OPCML: variants seen among roughly 807,000 people sequenced by gnomAD.
OPCML encodes opioid binding protein/cell adhesion molecule like, also known as opioid-binding protein/cell adhesion molecule.
OPCML carries 13 observed loss-of-function variants against 37.8 expected under a neutral mutation model. That is an observed-to-expected ratio of 0.34 (90% CI 0.22 to 0.55). The LOEUF (loss-of-function observed/expected upper bound fraction) is 0.55, where lower values mean the gene tolerates loss of function less well. Among genes scored for constraint, OPCML ranks in the 20% least tolerant of loss-of-function variants. The pLI, the probability that OPCML is intolerant of heterozygous loss-of-function variation, is 0.91. For synonymous variants in OPCML, 176 were observed against 168.8 expected (o/e 1.04, Z -0.33); for missense variants, 341 against 435.6 (o/e 0.78, Z 1.93).
chr11:133,260,586 A>T (rs1310503996), intron 1 of OPCML, among the ~76,000 whole-genome samples: 1 of 152,204 alleles, frequency 6.6e-6, no homozygotes, highest in Non-Finnish European at 1.5e-5. Flanking sequence ...AAAAATCTGC[A>T]GTGGAACAGC....
chr11:133,261,865 C>T (rs1482476516), intron 1 of OPCML, among the ~76,000 whole-genome samples: 1 of 152,162 alleles, frequency 6.6e-6, no homozygotes, highest in Admixed American at 6.6e-5. Flanking sequence ...CGGGCAGGAG[C>T]AATGGCTGTG....
chr11:132,547,410 T>C (rs1360115249), intron 3 of OPCML, among the ~76,000 whole-genome samples: 2 of 152,144 alleles, frequency 1.3e-5, no homozygotes, highest in Non-Finnish European at 2.9e-5. Flanking sequence ...AGCAGACCCA[T>C]GCTGAAGACC....
At chr11:132,813,809 G>C (rs781477729) in intron 2 of OPCML, among the ~76,000 whole-genome samples, 9 of 151,926 alleles carry the variant, frequency 5.9e-5, no homozygotes, top group Non-Finnish European at 1.3e-4. Flanking sequence ...CCGGTGTATT[G>C]CTCTCCCCCA....
chr11:132,501,971 A>G (rs2096246613), intron 4 of OPCML, among the ~76,000 whole-genome samples: 1 of 152,228 alleles, frequency 6.6e-6, no homozygotes, highest in African/African-American at 2.4e-5. Flanking sequence ...AAGATCTAAA[A>G]GAGAGGATAT....
chr11:132,887,442 T>C (rs189387122), intron 2 of OPCML, among the ~76,000 whole-genome samples: 76 of 152,306 alleles, frequency 5.0e-4, no homozygotes, highest in Middle Eastern at 6.8e-3. Context: ...AGAAATAAAA[T>C]GGATTGAATG....
rs1187464817 is a variant in OPCML at position 132,506,748 on chromosome 11, A to G, written c.505+22313T>C. On this transcript the variant is annotated intron_variant, in intron 4 of 7. Transcript: ENST00000524381. Reference sequence around the variant, plus strand: ...TAAAAAATCAAATATTTATTTCAAAAAACTATAGAGGATAAAATCAAAGAA... The same window carrying G: ...TAAAAAATCAAATATTTATTTCAAAGAACTATAGAGGATAAAATCAAAGAA... Among the ~76,000 whole-genome samples the G allele has an allele frequency of 2.0e-5, 3 of 152,158 alleles. No homozygotes were observed. The East Asian group carries it at 5.8e-4, about 29-fold the overall frequency.
chr11:132,782,680 T>C (rs117976657), intron 2 of OPCML, among the ~76,000 whole-genome samples: 3,069 of 151,892 alleles, frequency 0.02, 43 homozygotes, highest in Middle Eastern at 0.038. Flanking sequence ...AGAATTCCTC[T>C]TGTTAGGGAT....
chr11:132,914,064 C>T (rs1171856188), intron 2 of OPCML, among the ~76,000 whole-genome samples: 1 of 152,218 alleles, frequency 6.6e-6, no homozygotes, highest in African/African-American at 2.4e-5. Context: ...TAATCCATCT[C>T]ACTGCTCTCA....
chr11:132,645,408 T>C (rs1025556054), intron 3 of OPCML, among the ~76,000 whole-genome samples: 7 of 152,218 alleles, frequency 4.6e-5, no homozygotes, highest in Admixed American at 4.6e-4. Flanking sequence ...CCTAAAATCT[T>C]AAAAGCATAT....
intron 2 of OPCML, among the ~76,000 whole-genome samples, chr11:132,783,248 G>T (rs1947095699): frequency 6.6e-6 from 1 of 152,120 alleles, no homozygotes; most frequent in Non-Finnish European, 1.5e-5. Flanking sequence ...CAAGGTGAAA[G>T]TGATCACTAA....
At chr11:133,393,955 C>T (rs370842874) in intron 1 of OPCML, among the ~76,000 whole-genome samples, 1 of 152,216 alleles carries the variant, frequency 6.6e-6, no homozygotes, top group Non-Finnish European at 1.5e-5. Flanking sequence ...TGGCCCAGGC[C>T]TGAGGAGTAG....
chr11:132,675,107 T>A (rs994934856), intron 2 of OPCML, among the ~76,000 whole-genome samples: 2 of 151,738 alleles, frequency 1.3e-5, no homozygotes, highest in Admixed American at 6.6e-5. Context: ...TGCAATTCAG[T>A]GGTTCGGATT....
rs1000510395 is a variant in OPCML, at chr11:133,173,916, G to A, written c.62-230906C>T. 6.6e-6 allele frequency among the ~76,000 whole-genome samples: 1 copy of A among 152,142 alleles called. No homozygotes were observed. Among genetic ancestry groups the A allele is most frequent in the Non-Finnish European group, 1.5e-5 (1 of 68,026 alleles). The stretch of plus-strand genomic sequence containing the variant: ...AATGAAGATTGGACCGGGGCCGGCC[G>A]GCACTGGAGCAGCCCTCTCCCTCCA... On this transcript the variant is annotated intron_variant, in intron 1 of 7. Transcript: ENST00000524381. This position sits in a 1 kb window ranked among gnomAD's most constrained non-coding sequence, Gnocchi z 7.8.
chr11:133,392,755 G>T (rs1945199537), intron 1 of OPCML, among the ~76,000 whole-genome samples: 1 of 152,196 alleles, frequency 6.6e-6, no homozygotes, highest in African/African-American at 2.4e-5. Context: ...TCTCTTAGCA[G>T]TCCATACATT....
chr11:133,352,119 A>G (rs1944153801), intron 1 of OPCML, among the ~76,000 whole-genome samples: 3 of 152,210 alleles, frequency 2.0e-5, no homozygotes, highest in South Asian at 4.1e-4. Context: ...GGGAATCTCA[A>G]CACTTAAATC....
At chr11:132,956,179 C>A (rs979900104) in intron 1 of OPCML, among the ~76,000 whole-genome samples, 7 of 152,074 alleles carry the variant, frequency 4.6e-5, no homozygotes, top group Non-Finnish European at 1.0e-4. Flanking sequence ...TAGAGTGATT[C>A]AGTTTGTTTT....
intron 1 of OPCML, among the ~76,000 whole-genome samples, chr11:133,351,653 A>C (rs1439403258): frequency 6.6e-6 from 1 of 152,182 alleles, no homozygotes; most frequent in Admixed American, 6.6e-5. Context: ...CCATGGTTTT[A>C]AATGCCATTT....
At chr11:132,555,410 A>G (rs2096393050) in intron 3 of OPCML, among the ~76,000 whole-genome samples, 1 of 152,102 alleles carries the variant, frequency 6.6e-6, no homozygotes, top group East Asian at 1.9e-4. Context: ...TTATAAAACC[A>G]TCAGATCCCA....
At chr11:132,806,493 A>G (rs1259665187) in intron 2 of OPCML, among the ~76,000 whole-genome samples, 1 of 152,162 alleles carries the variant, frequency 6.6e-6, no homozygotes, top group Admixed American at 6.5e-5. Context: ...ATCAGGAAAA[A>G]GTATATTACA....
Sources: gnomAD v4.1 joint callset for allele counts (sites outside exome capture counted in the v4.1 genomes callset) on GRCh38, gnomAD v4.1.1 for gene constraint, Gnocchi (gnomAD v3.1) non-coding constraint, MANE v1.5 for transcripts, NCBI Gene and HGNC (gene_info 2026-07-23, HGNC 2026-07-21) for gene names.